MINDY3: variants seen among roughly 807,000 people sequenced by gnomAD.
The protein encoded by MINDY3 is MINDY lysine 48 deubiquitinase 3.
MINDY3 carries 38 observed loss-of-function variants against 69.2 expected under a neutral mutation model. The ratio of observed to expected loss-of-function variants is 0.55; its 90% confidence interval spans 0.42 to 0.72. MINDY3 has a LOEUF of 0.72. Ranked by LOEUF, MINDY3 falls within the 30% of genes least tolerant of loss-of-function variation. MINDY3 has a pLI of 0.00. For missense variants in MINDY3, 522 were observed against 519.0 expected, an observed-to-expected ratio of 1.01 and a Z score of -0.06; for synonymous variants, 192 against 180.1, an observed-to-expected ratio of 1.07 and a Z score of -0.53.
intron 5 of MINDY3, 197 bp from the exon 6 acceptor site, chr10:15,837,515 T>C: frequency 1.4e-6 from 2 of 1,436,926 alleles, no homozygotes; most frequent in Admixed American, 2.1e-5. Context: ...CTATATATGA[T>C]ATTTATCATT....
chr10:15,827,154 C>T lies in MINDY3; in HGVS notation c.731-5428G>A, dbSNP rs565664198. Among the ~76,000 whole-genome samples the T allele has an allele frequency of 7.6e-4, 24 of 31,722 alleles. 1 individual carries two copies. The East Asian group carries it at 0.017, about 23-fold the overall frequency. 20.8% of individuals were successfully genotyped at this position (31,722 alleles called of 152,430 possible). On this transcript the variant is annotated intron_variant, in intron 8 of 14. Coordinates refer to ENST00000277632, the MANE Select transcript of MINDY3 (RefSeq NM_024948.4). ...ATAAAAAATCTGGGGGTGGGAGACACATAAAATTGATATAACAGGAGTAAA... is the reference window on the plus strand; with the variant it reads ...ATAAAAAATCTGGGGGTGGGAGACATATAAAATTGATATAACAGGAGTAAA...
At chr10:15,800,097 A>G (rs1410671694) in intron 10 of MINDY3, among the ~76,000 whole-genome samples, 1 of 152,146 alleles carries the variant, frequency 6.6e-6, no homozygotes, top group Non-Finnish European at 1.5e-5. Flanking sequence ...TTTTCTTGGA[A>G]GAAATTTTTC....
intron 12 of MINDY3, among the ~76,000 whole-genome samples, chr10:15,787,806 C>T (rs76103500): frequency 0.013 from 1,902 of 152,048 alleles, 46 homozygotes; most frequent in African/African-American, 0.041. Flanking sequence ...TGAGTAAGGC[C>T]GGGAAGTTAT....
intron 10 of MINDY3, among the ~76,000 whole-genome samples, chr10:15,810,634 G>A (rs916918707): frequency 2.6e-5 from 4 of 151,738 alleles, no homozygotes; most frequent in African/African-American, 9.7e-5. Flanking sequence ...GATCTACAGT[G>A]TGTTCTATAA....
chr10:15,801,532 C>T (rs1259789691), intron 10 of MINDY3, among the ~76,000 whole-genome samples: 3 of 152,110 alleles, frequency 2.0e-5, no homozygotes, highest in South Asian at 4.2e-4. Flanking sequence ...CATGAGCTCA[C>T]CACCAAAGGC....
intron 12 of MINDY3, among the ~76,000 whole-genome samples, chr10:15,788,040 T>G (rs925604229): frequency 6.6e-6 from 1 of 151,980 alleles, no homozygotes; most frequent in African/African-American, 2.4e-5. Flanking sequence ...ACAAGGAAAA[T>G]TAGGTAGATG....
intron 8 of MINDY3, among the ~76,000 whole-genome samples, chr10:15,822,468 T>G (rs1839834273): frequency 6.6e-6 from 1 of 151,932 alleles, no homozygotes; most frequent in African/African-American, 2.4e-5. Context: ...GACAAGAAAA[T>G]TCAAAGCAGA....
intron 10 of MINDY3, among the ~76,000 whole-genome samples, chr10:15,798,308 T>C (rs1837988616): frequency 6.6e-6 from 1 of 152,094 alleles, no homozygotes; most frequent in South Asian, 2.1e-4. Context: ...TTTGGGAAAT[T>C]ATCGCTGTTT....
At chr10:15,821,920 T>C (rs1839795079) in intron 8 of MINDY3, among the ~76,000 whole-genome samples, 194 bp from the exon 9 acceptor site, 1 of 152,166 alleles carries the variant, frequency 6.6e-6, no homozygotes, top group African/African-American at 2.4e-5. Context: ...AGATCAGGTT[T>C]GTGGTGGGTA....
At chr10:15,825,342 G>A (rs1490626144) in intron 8 of MINDY3, among the ~76,000 whole-genome samples, 1 of 152,180 alleles carries the variant, frequency 6.6e-6, no homozygotes, top group Non-Finnish European at 1.5e-5. Flanking sequence ...ATTACTTTGT[G>A]ATTATATTCT....
chr10:15,816,916 C>T lies in MINDY3; in HGVS notation c.802-1G>A, dbSNP rs749695338. The T allele has an allele frequency of 1.9e-6, 3 of 1,607,514 alleles. No homozygotes were observed. The highest frequency in any genetic ancestry group is 1.7e-6 in the Non-Finnish European group (2 of 1,175,232). ...TTGGAGATTTCAAGTAAGAACCAAC[C>T]TAGAACAAATGTAGCAAAATAAAAC... is the stretch of plus-strand genomic sequence containing the variant. On this transcript the variant is annotated splice_acceptor_variant, in intron 9 of 14. Transcript: ENST00000277632. LOFTEE classifies it high-confidence loss of function.
chr10:15,797,747 T>A (rs1378533274), intron 10 of MINDY3, among the ~76,000 whole-genome samples: 1 of 152,162 alleles, frequency 6.6e-6, no homozygotes, highest in Non-Finnish European at 1.5e-5. Flanking sequence ...TTAACTCTTA[T>A]GCCAAAGCTA....
chr10:15,841,347 T>G, intron 4 of MINDY3, 79 bp downstream of exon 4: 2 of 1,184,662 alleles, frequency 1.7e-6, no homozygotes, highest in South Asian at 1.5e-5. Context: ...TTTAAGTAAT[T>G]TTTTCTTCAA....
At chr10:15,807,226 C>T (rs543483756) in intron 10 of MINDY3, among the ~76,000 whole-genome samples, 51 of 152,234 alleles carry the variant, frequency 3.4e-4, no homozygotes, top group African/African-American at 1.2e-3. Flanking sequence ...TTAATCCTTA[C>T]GTTCCAACAG....
chr10:15,812,221 ATGAGCCCC>A (rs1280745158), intron 10 of MINDY3, among the ~76,000 whole-genome samples: 1 of 152,154 alleles, frequency 6.6e-6, no homozygotes, highest in African/African-American at 2.4e-5. Flanking sequence ...GATTACAGGC[ATGAGCCCC>A]TGCGCCCGGC....
At chr10:15,802,097 T>G (rs2131910667) in intron 10 of MINDY3, among the ~76,000 whole-genome samples, 1 of 151,848 alleles carries the variant, frequency 6.6e-6, no homozygotes, top group East Asian at 1.9e-4. Flanking sequence ...TAATCTACTG[T>G]TGGTTACGGT....
At chr10:15,813,520 T>A (rs906753528) in intron 10 of MINDY3, among the ~76,000 whole-genome samples, 1 of 152,230 alleles carries the variant, frequency 6.6e-6, no homozygotes, top group Non-Finnish European at 1.5e-5. Flanking sequence ...TGTAAATTTA[T>A]GTGATTATTT....
intron 10 of MINDY3, among the ~76,000 whole-genome samples, chr10:15,801,584 C>A (rs1364717143): frequency 6.6e-6 from 1 of 152,058 alleles, no homozygotes; most frequent in Non-Finnish European, 1.5e-5. Flanking sequence ...ATCACTAATA[C>A]AGCCTCTAGA....
rs1833605332 is a variant in MINDY3, at chr10:15,843,245, A to G, written c.202T>C (p.Ser68Pro). ...TCCCGCCAAGAAGACTTCTCCGAAG[A>G]AAACAGGAGCTTCTTCAAAAGAAAT... The part of the protein sequence containing the change: ...QAFLLKKLLF[S>P]SEKSSWRDCS... The change falls in exon 3 of 15, where the codon TCT (serine) becomes CCT (proline). Residue 68 changes from serine to proline, a missense_variant. Transcript: ENST00000277632. 1 of 1,612,954 alleles carries G rather than the reference A, an allele frequency of 6.2e-7. No homozygotes were observed. Among genetic ancestry groups the G allele is most frequent in the Non-Finnish European group, 8.5e-7 (1 of 1,179,156 alleles).
Sources: allele counts gnomAD v4.1 joint callset (sites outside exome capture counted in the v4.1 genomes callset), GRCh38; gene constraint gnomAD v4.1.1; transcripts MANE v1.5; gene names NCBI Gene and HGNC (gene_info 2026-07-23, HGNC 2026-07-21).